Variants in CNTN4 observed in about 807,000 individuals in gnomAD.
The protein encoded by CNTN4 is contactin-4.
In CNTN4, 77 loss-of-function variants were observed where a neutral mutation model predicts 122.5. That is an observed-to-expected ratio of 0.63 (90% confidence interval 0.52 to 0.76). The LOEUF is 0.76. Ranked by LOEUF, CNTN4 falls within the 30% of genes least tolerant of loss-of-function variation. The probability of loss-of-function intolerance (pLI) is 0.00; values close to 1 mark genes in which losing one functional copy is unlikely to be tolerated. For synonymous variants in CNTN4, 512 were observed against 447.0 expected (o/e 1.15, Z -1.83); for missense variants, 1,256 against 1,259.1 (o/e 1.00, Z 0.04).
At chr3:2,340,739 A>AGAGAGAGAGAGAGAGAGT (rs2044179618) in intron 3 of CNTN4, among the ~76,000 whole-genome samples, 1 of 124,470 alleles carries the variant, frequency 8.0e-6, no homozygotes, top group Admixed American at 8.6e-5. Context: ...AGAGAGAGAG[A>AGAGAGAGAGAGAGAGAGT]GTCAGAAATT....
rs1174317221 is a variant in CNTN4, at chr3:2,385,649, A to G, written c.-89+46416A>G. Among the ~76,000 whole-genome samples, 1 of 152,080 alleles carries G rather than the reference A, an allele frequency of 6.6e-6. No homozygotes were observed. Among genetic ancestry groups the G allele is most frequent in the Non-Finnish European group, 1.5e-5 (1 of 68,026 alleles). On this transcript the variant is annotated intron_variant, in intron 3 of 24. Coordinates refer to ENST00000418658, the MANE Select transcript of CNTN4 (RefSeq NM_175607.3). This position sits in a 1 kb window ranked among gnomAD's most constrained non-coding sequence, Gnocchi z 4.0. ...CAGTTGTTCTGCAGCTTGTGGGAGCATAACTCCAAGCTCATCTCTCATCCT... is the reference window on the plus strand; with the variant it reads ...CAGTTGTTCTGCAGCTTGTGGGAGCGTAACTCCAAGCTCATCTCTCATCCT...
chr3:2,855,579 GTTT>G (rs2093609305), intron 7 of CNTN4, among the ~76,000 whole-genome samples: 1 of 152,220 alleles, frequency 6.6e-6, no homozygotes. Context: ...ACTGGATCCA[GTTT>G]AACTTTCCTT....
chr3:2,161,332 C>G (rs142621784), intron 2 of CNTN4, among the ~76,000 whole-genome samples: 80 of 152,124 alleles, frequency 5.3e-4, no homozygotes, highest in Non-Finnish European at 9.3e-4. Context: ...AGGTTATACA[C>G]AGAAAAATAT....
chr3:2,893,378 A>C (rs1443588536), intron 10 of CNTN4, among the ~76,000 whole-genome samples: 1 of 152,236 alleles, frequency 6.6e-6, no homozygotes, highest in East Asian at 1.9e-4. Flanking sequence ...AAAGAAGCTT[A>C]AAGGACAGAG....
In CNTN4 at chr3:2,391,045, C is replaced by G. The variant is rs535362193; in HGVS notation, c.-89+51812C>G. ...GGTGTTCCTTGCAGATTCCAAATAG[C>G]TGGACTGTAATGGGGAACCAGATTT... On this transcript the variant is annotated intron_variant, in intron 3 of 24. Transcript: ENST00000418658. 2.0e-5 allele frequency among the ~76,000 whole-genome samples: 3 copies of G among 152,240 alleles called. No homozygotes were observed. The South Asian group carries it at 6.2e-4, about 32-fold the overall frequency.
chr3:2,682,272 G>A (rs182149667), intron 4 of CNTN4, among the ~76,000 whole-genome samples: 139 of 152,266 alleles, frequency 9.1e-4, no homozygotes, highest in African/African-American at 2.4e-3. Flanking sequence ...CCCTCAAGGC[G>A]GTTCTGTCAA....
intron 2 of CNTN4, among the ~76,000 whole-genome samples, chr3:2,299,292 G>C (rs894902867): frequency 6.6e-6 from 1 of 152,088 alleles, no homozygotes; most frequent in African/African-American, 2.4e-5. Context: ...TTTATTAAAT[G>C]AATCTTTTAT....
At position 2,710,598 on chromosome 3, in the gene CNTN4, G is replaced by A. The variant is rs539499284; in HGVS notation, c.56-25617G>A. 6.5e-4 allele frequency among the ~76,000 whole-genome samples: 99 copies of A among 152,184 alleles called. 1 individual carries two copies. Among genetic ancestry groups the A allele is most frequent in the Non-Finnish European group, 5.7e-4 (39 of 68,008 alleles). On this transcript the variant is annotated intron_variant, in intron 4 of 24. Coordinates refer to ENST00000418658, the MANE Select transcript of CNTN4 (RefSeq NM_175607.3). ...TTGCATTTTTTTTAATATGGAGAAA[G>A]TGTCCAATCTTGTGGTCTGTCTTCA...
intron 3 of CNTN4, among the ~76,000 whole-genome samples, chr3:2,546,911 A>G (rs2078267887): frequency 6.6e-6 from 1 of 152,130 alleles, no homozygotes; most frequent in South Asian, 2.1e-4. Flanking sequence ...CAAAAGTAAA[A>G]GCAGGAAAAT....
At chr3:2,364,683 T>A (rs938559709) in intron 3 of CNTN4, among the ~76,000 whole-genome samples, 1 of 152,140 alleles carries the variant, frequency 6.6e-6, no homozygotes, top group African/African-American at 2.4e-5. Flanking sequence ...GTTGGGAAAT[T>A]ACAAGTAAAA....
At chr3:2,849,500 G>C (rs2093511062) in intron 7 of CNTN4, among the ~76,000 whole-genome samples, 1 of 152,174 alleles carries the variant, frequency 6.6e-6, no homozygotes, top group Non-Finnish European at 1.5e-5. Context: ...GGTGACTTCT[G>C]GATTTTTGCT....
chr3:2,300,897 T>C (rs2042491276), intron 2 of CNTN4, among the ~76,000 whole-genome samples: 1 of 152,114 alleles, frequency 6.6e-6, no homozygotes, highest in African/African-American at 2.4e-5. Context: ...ATAAAATCTT[T>C]AATCAGAGAA....
Position 3,020,381 on chromosome 3 carries a change from A to G in CNTN4, c.1487-5721A>G, listed in dbSNP as rs17024748. ...TAAAAAAGACAAATGATTTTGCACA[A>G]CAATGCACTAGCTTAATGTCGAAGA... On this transcript the variant is annotated intron_variant, in intron 14 of 24. Transcript: ENST00000418658. 8.5e-3 allele frequency among the ~76,000 whole-genome samples: 1,292 copies of G among 152,354 alleles called. 14 individuals are homozygous for G. Among genetic ancestry groups the G allele is most frequent in the African/African-American group, 0.029 (1,214 of 41,574 alleles).
chr3:2,686,507 T>G (rs921585015), intron 4 of CNTN4, among the ~76,000 whole-genome samples: 2 of 152,126 alleles, frequency 1.3e-5, no homozygotes, highest in Admixed American at 6.5e-5. Context: ...TCTCTTTTCC[T>G]TCTTCTCAAT....
rs185800362 is a variant in CNTN4, at chr3:2,498,626, G to A, written c.-88-72790G>A. 6.4e-3 allele frequency among the ~76,000 whole-genome samples: 977 copies of A among 152,038 alleles called. 5 individuals carry two copies. The highest frequency in any genetic ancestry group is 1.0e-2 in the Admixed American group (152 of 15,266). On this transcript the variant is annotated intron_variant, in intron 3 of 24. Coordinates refer to ENST00000418658, the MANE Select transcript of CNTN4 (RefSeq NM_175607.3). ...CTCCAGAGGAGCTGGAACTACAAGC[G>A]CATGCCACCACGCCCAGCTAATTTT...
At chr3:3,002,086 G>A (rs886146097) in intron 14 of CNTN4, among the ~76,000 whole-genome samples, 1 of 152,212 alleles carries the variant, frequency 6.6e-6, no homozygotes, top group Non-Finnish European at 1.5e-5. Flanking sequence ...GCTGACTGGG[G>A]ATTCCTGTCA....
chr3:2,674,413 T>A lies in CNTN4; in HGVS notation c.56-61802T>A, dbSNP rs990777462. Among the ~76,000 whole-genome samples, 8 of 152,178 alleles carry A rather than the reference T, an allele frequency of 5.3e-5. 1 individual carries two copies. The South Asian group carries it at 1.7e-3, about 31-fold the overall frequency. On this transcript the variant is annotated intron_variant, in intron 4 of 24. Coordinates refer to ENST00000418658, the MANE Select transcript of CNTN4 (RefSeq NM_175607.3). ...CTCAAACATTTACTGTTTCTTTGTG[T>A]TGGGAAAATTTTAAGTTCTCTCTTG...
intron 3 of CNTN4, among the ~76,000 whole-genome samples, chr3:2,340,329 GTTTAT>G (rs2044135777): frequency 6.6e-6 from 1 of 151,934 alleles, no homozygotes; most frequent in South Asian, 2.1e-4. Flanking sequence ...ATAAAATGCT[GTTTAT>G]TTTAATGATA....
At chr3:2,705,840 T>C (rs2086680891) in intron 4 of CNTN4, among the ~76,000 whole-genome samples, 1 of 103,238 alleles carries the variant, frequency 9.7e-6, no homozygotes, top group African/African-American at 4.1e-5. Context: ...ATATATAATA[T>C]ATAATATATA....
Sources: gnomAD v4.1 joint callset for allele counts (sites outside exome capture counted in the v4.1 genomes callset) on GRCh38, gnomAD v4.1.1 for gene constraint, Gnocchi (gnomAD v3.1) non-coding constraint, MANE v1.5 for transcripts, NCBI Gene and HGNC (gene_info 2026-07-23, HGNC 2026-07-21) for gene names.